SH3GL2: variants seen among roughly 807,000 people sequenced by gnomAD.
SH3GL2 encodes endophilin-A1.
Under a neutral mutation model 46.0 loss-of-function variants are expected in SH3GL2, and 24 were observed. That is an observed-to-expected ratio of 0.52 (90% CI 0.38 to 0.73). The LOEUF (loss-of-function observed/expected upper bound fraction) is 0.73, where lower values mean the gene tolerates loss of function less well. Ranked by LOEUF, SH3GL2 falls within the 30% of genes least tolerant of loss-of-function variation. SH3GL2 has a pLI of 0.00. For missense variants in SH3GL2, 413 were observed against 424.2 expected, an observed-to-expected ratio of 0.97 and a Z score of 0.23; for synonymous variants, 196 against 147.1, an observed-to-expected ratio of 1.33 and a Z score of -2.40.
At chr9:17,768,925 G>T (rs1398966980) in intron 3 of SH3GL2, among the ~76,000 whole-genome samples, 1 of 152,184 alleles carries the variant, frequency 6.6e-6, no homozygotes, top group Non-Finnish European at 1.5e-5. Flanking sequence ...AAGTCCTGAG[G>T]ATCTGAGCTC....
At chr9:17,695,649 G>A (rs192505166) in intron 1 of SH3GL2, among the ~76,000 whole-genome samples, 16 of 151,770 alleles carry the variant, frequency 1.1e-4, no homozygotes, top group Admixed American at 3.9e-4. Flanking sequence ...TGATGCTCCC[G>A]GGTGGTAGTG....
At chr9:17,746,082 T>C (rs1007337697) in intron 1 of SH3GL2, among the ~76,000 whole-genome samples, 3 of 152,218 alleles carry the variant, frequency 2.0e-5, no homozygotes, top group Non-Finnish European at 2.9e-5. Context: ...CTAATTTTTT[T>C]ATTTTATTTT....
At position 17,702,690 on chromosome 9, in the gene SH3GL2, A is replaced by G. The variant is rs140127641; in HGVS notation, c.46-44376A>G. Among the ~76,000 whole-genome samples the G allele has an allele frequency of 9.7e-4, 147 of 152,218 alleles. 2 individuals carry two copies. The East Asian group carries it at 0.025, about 25-fold the overall frequency. Reference sequence around the variant, plus strand: ...TAAAATGCCATTATTACAATTAGGAAATTAGTGATTCCCTAATATTCATGA... The same window carrying G: ...TAAAATGCCATTATTACAATTAGGAGATTAGTGATTCCCTAATATTCATGA... On this transcript the variant is annotated intron_variant, in intron 1 of 8. Coordinates refer to ENST00000380607, the MANE Select transcript of SH3GL2 (RefSeq NM_003026.5).
intron 1 of SH3GL2, among the ~76,000 whole-genome samples, chr9:17,632,365 A>G (rs370193519): frequency 3.0e-4 from 45 of 152,288 alleles, no homozygotes; most frequent in African/African-American, 1.0e-3. Context: ...TACAAAGCAC[A>G]ATTATTGGAA....
At position 17,704,134 on chromosome 9, in the gene SH3GL2, CT is replaced by C. The variant is rs1228094206; in HGVS notation, c.46-42931del. Among the ~76,000 whole-genome samples the C allele has an allele frequency of 3.3e-5, 5 of 152,056 alleles. No individual in the cohort carries two copies. In the South Asian group the frequency reaches 1.0e-3, roughly 32 times the overall value. The stretch of plus-strand genomic sequence containing the variant: ...TAATGTACAAAAATCAGTGGCATTT[CT>C]GTACACCAACATCATCCAAGCTGAG... On this transcript the variant is annotated intron_variant, in intron 1 of 8. Transcript: ENST00000380607.
At chr9:17,657,462 G>T (rs1820113539) in intron 1 of SH3GL2, among the ~76,000 whole-genome samples, 3 of 152,160 alleles carry the variant, frequency 2.0e-5, no homozygotes, top group Admixed American at 2.0e-4. Flanking sequence ...AACAGAGGCA[G>T]GCTGATGAGG....
intron 1 of SH3GL2, among the ~76,000 whole-genome samples, chr9:17,582,881 C>T (rs1818303269): frequency 6.6e-6 from 1 of 152,132 alleles, no homozygotes; most frequent in Non-Finnish European, 1.5e-5. Flanking sequence ...TTGGTCTCTG[C>T]CTTCATGCTC....
At position 17,789,345 on chromosome 9, in the gene SH3GL2, T is replaced by C. The variant is rs374314373; in HGVS notation, c.466-47T>C. On this transcript the variant is annotated intron_variant, in intron 5 of 8. Coordinates refer to ENST00000380607, the MANE Select transcript of SH3GL2 (RefSeq NM_003026.5). The stretch of plus-strand genomic sequence containing the variant: ...TGGAGAAGTGAGCTCAAATAAGCCT[T>C]TTCCATAAGCCCTTTCAAAGCCTAT... 5.3e-5 allele frequency: 83 copies of C among 1,551,418 alleles called. 5 individuals are homozygous for C. The South Asian group carries it at 9.5e-4, about 18-fold the overall frequency.
rs570529703 is a variant in SH3GL2, at chr9:17,794,750, T to G, written c.860-794T>G. 8.5e-5 allele frequency among the ~76,000 whole-genome samples: 13 copies of G among 152,326 alleles called. No homozygotes were observed. In the East Asian group the frequency reaches 2.3e-3, roughly 27 times the overall value. ...TAAGATATGATTTCATCCTTCATTA[T>G]TTTACTCAAGGTGGAGTACATTATT... On this transcript the variant is annotated intron_variant, in intron 8 of 8. Coordinates refer to ENST00000380607, the MANE Select transcript of SH3GL2 (RefSeq NM_003026.5).
chr9:17,653,240 TTTTCTTTTCTACC>T (rs1819996668), intron 1 of SH3GL2, among the ~76,000 whole-genome samples: 1 of 152,170 alleles, frequency 6.6e-6, no homozygotes, highest in Admixed American at 6.5e-5. Flanking sequence ...CGCATTGCTG[TTTTCTTTTCTACC>T]TTCCAGTGGA....
At chr9:17,596,804 C>T (rs756214511) in intron 1 of SH3GL2, among the ~76,000 whole-genome samples, 61 of 152,282 alleles carry the variant, frequency 4.0e-4, no homozygotes, top group African/African-American at 8.2e-4. Context: ...TACCGTGAAA[C>T]GTAGCCTCAG....
chr9:17,691,206 T>G (rs3808711), intron 1 of SH3GL2, among the ~76,000 whole-genome samples: 1 of 151,932 alleles, frequency 6.6e-6, no homozygotes, highest in Admixed American at 6.6e-5. Context: ...CATTGTTTAT[T>G]TCCTGTTCCA....
intron 1 of SH3GL2, chr9:17,735,893 C>A: frequency 4.6e-6 from 1 of 216,616 alleles, no homozygotes; most frequent in African/African-American, 2.3e-5. Flanking sequence ...CATACTTATA[C>A]CCTGTGGGGG....
chr9:17,765,550 T>C (rs1204060463), intron 3 of SH3GL2, among the ~76,000 whole-genome samples: 1 of 152,228 alleles, frequency 6.6e-6, no homozygotes, highest in Non-Finnish European at 1.5e-5. Flanking sequence ...GTAAAACCCT[T>C]CCATGGCTTT....
rs973963316 is a variant in SH3GL2 at position 17,795,649 on chromosome 9, A to G, written c.965A>G (p.Gln322Arg). The stretch of plus-strand genomic sequence containing the variant: ...GGCGATATCATCACACTCACTAACC[A>G]AATTGATGAGAACTGGTATGAGGGG... ...KEGDIITLTN[Q>R]IDENWYEGML... Residue 322 changes from glutamine to arginine, a missense_variant, in exon 9 of 9, where the codon CAA becomes CGA. Physicochemically the swap from Gln to Arg is conservative, Grantham distance 43. Transcript: ENST00000380607. 4.3e-6 allele frequency: 7 copies of G among 1,613,898 alleles called. No individual in the cohort carries two copies. The highest frequency in any genetic ancestry group is 5.9e-6 in the Non-Finnish European group (7 of 1,179,916).
intron 1 of SH3GL2, among the ~76,000 whole-genome samples, chr9:17,662,875 C>T (rs1820256250): frequency 6.6e-6 from 1 of 151,924 alleles, no homozygotes; most frequent in Non-Finnish European, 1.5e-5. Context: ...ACGCCCAGCT[C>T]ATTTTTGTAT....
At chr9:17,585,061 G>A (rs1204425727) in intron 1 of SH3GL2, among the ~76,000 whole-genome samples, 3 of 152,160 alleles carry the variant, frequency 2.0e-5, no homozygotes, top group Non-Finnish European at 4.4e-5. Context: ...ATTGTGGAAG[G>A]GAGAGGTTTA....
At chr9:17,637,779 G>C (rs766078336) in intron 1 of SH3GL2, among the ~76,000 whole-genome samples, 9 of 152,210 alleles carry the variant, frequency 5.9e-5, no homozygotes, top group Non-Finnish European at 1.0e-4. Context: ...GTAATGAAGT[G>C]CCTAGCATAA....
At chr9:17,624,087 C>T (rs1006999768) in intron 1 of SH3GL2, among the ~76,000 whole-genome samples, 2 of 152,154 alleles carry the variant, frequency 1.3e-5, no homozygotes, top group Non-Finnish European at 2.9e-5. Flanking sequence ...AGACTGCATC[C>T]TGCCCGTTAA....
Sources: allele counts gnomAD v4.1 joint callset (sites outside exome capture counted in the v4.1 genomes callset), GRCh38; gene constraint gnomAD v4.1.1; transcripts MANE v1.5; gene names NCBI Gene and HGNC (gene_info 2026-07-23, HGNC 2026-07-21).